OR2C1: variants seen among roughly 807,000 people sequenced by gnomAD.
OR2C1 encodes olfactory receptor 2C1.
For missense variants in OR2C1, 468 were observed against 388.3 expected (o/e 1.21, Z -1.73); for synonymous variants, 209 against 167.3 (o/e 1.25, Z -1.92).
Position 3,356,688 on chromosome 16 carries a change from C to G in OR2C1, c.748C>G (p.Leu250Val), listed in dbSNP as rs775648202. ...CCTCTCCCATCTGCTGGTGGTGTTC[C>G]TCTTCTATGGCTCAGCCAGCTATGG... The part of the protein sequence containing the change: ...TCLSHLLVVF[L>V]FYGSASYGYL... Residue 250 changes from leucine to valine, a missense_variant, in exon 1 of 1, where the codon CTC (leucine) becomes GTC (valine). By Grantham distance (32) the Leu-to-Val change is conservative (BLOSUM62 1). Transcript: ENST00000304936. The G allele has an allele frequency of 1.7e-5, 28 of 1,614,092 alleles. No individual in the cohort carries two copies. Among genetic ancestry groups the G allele is most frequent in the Middle Eastern group, 1.6e-4 (1 of 6,084 alleles).
chr16:3,326,834 C>T, the OR2C1 span, among the ~76,000 whole-genome samples: 1 of 152,070 alleles, frequency 6.6e-6, no homozygotes, highest in Non-Finnish European at 1.5e-5. Context: ...CATAGATGAG[C>T]CTTAGGATGA....
chr16:3,348,726 G>A, the OR2C1 span, among the ~76,000 whole-genome samples: 1 of 152,206 alleles, frequency 6.6e-6, no homozygotes, highest in Non-Finnish European at 1.5e-5. Context: ...TGGTTTCTAA[G>A]TCAGTAGTTT....
Position 3,356,593 on chromosome 16 carries a change from A to G in OR2C1, c.653A>G (p.Tyr218Cys). 1 of 1,614,168 alleles carries G rather than the reference A, an allele frequency of 6.2e-7. No individual in the cohort carries two copies. Among genetic ancestry groups the G allele is most frequent in the Non-Finnish European group, 8.5e-7 (1 of 1,180,038 alleles). ...AVPLSIIVIS[Y>C]CLIAQAVLKI... Reference sequence around the variant, plus strand: ...CCACTAAGCATCATCGTGATCTCCTACTGCCTCATTGCTCAGGCAGTGCTG... The same window carrying G: ...CCACTAAGCATCATCGTGATCTCCTGCTGCCTCATTGCTCAGGCAGTGCTG... The change falls in exon 1 of 1, where the codon TAC (tyrosine) becomes TGC (cysteine). Residue 218 changes from tyrosine to cysteine, a missense_variant. Physicochemically the swap from Tyr to Cys is radical, Grantham distance 194. Transcript: ENST00000304936.
the OR2C1 span, among the ~76,000 whole-genome samples, chr16:3,349,531 C>A: frequency 6.6e-6 from 1 of 152,168 alleles, no homozygotes; most frequent in South Asian, 2.1e-4. Flanking sequence ...TGCCCTCTCT[C>A]CTTGATTCAC....
the OR2C1 span, chr16:3,323,695 A>G: frequency 1.5e-6 from 1 of 685,224 alleles, no homozygotes. Context: ...ATTCCAAGGC[A>G]CGAGGTTTCA....
chr16:3,355,869 C>A, upstream of OR2C1: 1 of 1,119,578 alleles, frequency 8.9e-7, no homozygotes, highest in Non-Finnish European at 1.3e-6. Context: ...CCTCATCCAA[C>A]AGCTTTTTCT....
upstream of OR2C1, among the ~76,000 whole-genome samples, chr16:3,354,186 T>C (rs2030623229): frequency 6.6e-6 from 1 of 152,124 alleles, no homozygotes; most frequent in Admixed American, 6.5e-5. Context: ...GGTTTCACCA[T>C]GTTGGCCAGG....
upstream of OR2C1, among the ~76,000 whole-genome samples, chr16:3,355,472 A>AAAAAAAAAAAAAAAT (rs2030648897): frequency 7.1e-6 from 1 of 141,442 alleles, no homozygotes; most frequent in Admixed American, 7.2e-5. Context: ...AAAAAAAAAA[A>AAAAAAAAAAAAAAAT]GCTTGCAATC....
At chr16:3,352,899 G>GC (rs552647855), upstream of OR2C1, among the ~76,000 whole-genome samples, 4,291 of 151,242 alleles carry the variant, frequency 0.028, 208 homozygotes, top group African/African-American at 0.096. Flanking sequence ...GTAGCACCAC[G>GC]CCCGGATAAT....
At chr16:3,357,398 G>A (rs1293916912), downstream of OR2C1, 1 of 156,502 alleles carries the variant, frequency 6.4e-6, no homozygotes, top group Non-Finnish European at 1.4e-5. Context: ...TTAAGAGTTG[G>A]AGTCTTGCTC....
chr16:3,345,053 C>G, the OR2C1 span, among the ~76,000 whole-genome samples: 1 of 151,702 alleles, frequency 6.6e-6, no homozygotes, highest in Non-Finnish European at 1.5e-5. Context: ...GTGTAATGGA[C>G]AAATAAAATA....
chr16:3,356,032 T>C lies in OR2C1; in HGVS notation c.92T>C (p.Ile31Thr), dbSNP rs899908434. 6.2e-7 allele frequency: 1 copy of C among 1,614,034 alleles called. No individual in the cohort carries two copies. Among genetic ancestry groups the C allele is most frequent in the Non-Finnish European group, 8.5e-7 (1 of 1,179,926 alleles). Residue 31 changes from isoleucine (I) to threonine (T), a missense_variant, in exon 1 of 1, where the codon ATC (isoleucine) becomes ACC (threonine). Physicochemically the swap from Ile to Thr is moderately conservative, Grantham distance 89. Transcript: ENST00000304936. ...CTGGAGATGATCTTTTTTATAGCCA[T>C]CCTCTTCTCCTATTTGCTGACCCTA... ...PQLEMIFFIAILFSYLLTLLG... is the reference protein window; with the variant it reads ...PQLEMIFFIATLFSYLLTLLG...
chr16:3,341,371 A>G, the OR2C1 span, among the ~76,000 whole-genome samples: 1 of 152,122 alleles, frequency 6.6e-6, no homozygotes, highest in Non-Finnish European at 1.5e-5. Context: ...TTTTCTGTAT[A>G]TATGATCATG....
chr16:3,324,476 G>A, the OR2C1 span, among the ~76,000 whole-genome samples: 1 of 152,140 alleles, frequency 6.6e-6, no homozygotes, highest in Non-Finnish European at 1.5e-5. Context: ...CCATTGAGTT[G>A]AAGAAAGCAC....
chr16:3,348,773 A>G, the OR2C1 span, among the ~76,000 whole-genome samples: 1 of 152,152 alleles, frequency 6.6e-6, no homozygotes, highest in Non-Finnish European at 1.5e-5. Flanking sequence ...TAACGGCCTA[A>G]TCAGGTTACC....
chr16:3,347,019 C>A, the OR2C1 span, among the ~76,000 whole-genome samples: 2 of 150,066 alleles, frequency 1.3e-5, no homozygotes, highest in African/African-American at 4.9e-5. Context: ...CTGAGGTGGG[C>A]AGATCATTTG....
At chr16:3,354,111 G>A (rs906659592), upstream of OR2C1, among the ~76,000 whole-genome samples, 7 of 151,778 alleles carry the variant, frequency 4.6e-5, no homozygotes, top group African/African-American at 1.7e-4. Flanking sequence ...AGCCTCCTGA[G>A]TAGCTGGGGC....
chr16:3,323,175 G>A, the OR2C1 span: 1 of 621,144 alleles, frequency 1.6e-6, no homozygotes, highest in Non-Finnish European at 2.8e-6. Context: ...ACTGCAGTTT[G>A]GCACCTGGGT....
chr16:3,334,798 C>G, the OR2C1 span, among the ~76,000 whole-genome samples: 10 of 151,624 alleles, frequency 6.6e-5, no homozygotes, highest in African/African-American at 2.4e-4. Flanking sequence ...TTGAAGAAAG[C>G]TAGCATGATG....
Sources: allele counts gnomAD v4.1 joint callset (sites outside exome capture counted in the v4.1 genomes callset), GRCh38; gene constraint gnomAD v4.1.1; transcripts MANE v1.5; gene names NCBI Gene and HGNC (gene_info 2026-07-23, HGNC 2026-07-21).